The following VPS26C variants were observed in gnomAD, a reference collection of about 807,000 sequenced individuals.
VPS26C encodes the protein VPS26 endosomal protein sorting factor C.
Under a neutral mutation model 30.6 loss-of-function variants are expected in VPS26C, and 19 were observed. That is an observed-to-expected ratio of 0.62 (90% CI 0.43 to 0.91). The LOEUF is 0.91. Ranked by LOEUF, VPS26C falls within the 40% of genes least tolerant of loss-of-function variation. The probability of loss-of-function intolerance (pLI) is 0.00; values close to 1 mark genes in which losing one functional copy is unlikely to be tolerated. For synonymous variants in VPS26C, 132 were observed against 151.5 expected, an observed-to-expected ratio of 0.87 and a Z score of 0.95; for missense variants, 318 against 385.1, an observed-to-expected ratio of 0.83 and a Z score of 1.46.
intron 4 of VPS26C, among the ~76,000 whole-genome samples, chr21:37,232,829 G>A (rs1203908540): frequency 6.6e-6 from 1 of 152,216 alleles, no homozygotes; most frequent in Admixed American, 6.5e-5. Context: ...GAGGCAAGCG[G>A]GGCAGAGAGC....
At chr21:37,267,835 C>T (rs2086387141), upstream of VPS26C, 1 of 155,994 alleles carries the variant, frequency 6.4e-6, no homozygotes. Context: ...CAACTCTAGC[C>T]CTCCACCGCT....
At chr21:37,240,253 G>A (rs575369720) in intron 2 of VPS26C, among the ~76,000 whole-genome samples, 11 of 152,110 alleles carry the variant, frequency 7.2e-5, no homozygotes, top group Admixed American at 2.0e-4. Flanking sequence ...CTCCTGAGTA[G>A]CTGGGACTAC....
chr21:37,253,412 C>T (rs1172109181), intron 1 of VPS26C, among the ~76,000 whole-genome samples: 1 of 152,154 alleles, frequency 6.6e-6, no homozygotes, highest in Non-Finnish European at 1.5e-5. Context: ...GTATAGTATA[C>T]ACACAGGCGT....
Position 37,267,224 on chromosome 21 carries a change from C to CCCCCCCCCAAA in VPS26C, c.57+13_57+14insTTTGGGGGGGG. On this transcript the variant is annotated intron_variant, in intron 1 of 7. Transcript: ENST00000309117. ...CCAACCCCACCTCCATCCCCACCCC[C>CCCCCCCCCAAA]AGCCCCCACTTACCCCGGCGTGATA... The CCCCCCCCCAAA allele has an allele frequency of 1.9e-6, 3 of 1,541,530 alleles. No homozygotes were observed. Among genetic ancestry groups the CCCCCCCCCAAA allele is most frequent in the Non-Finnish European group, 2.7e-6 (3 of 1,118,008 alleles).
chr21:37,267,183 G>A, intron 1 of VPS26C, 55 bp downstream of exon 1: 2 of 1,420,874 alleles, frequency 1.4e-6, no homozygotes, highest in Non-Finnish European at 2.0e-6. Flanking sequence ...GGAGACAGCG[G>A]AACCTGCAGA....
At position 37,227,507 on chromosome 21, in the gene VPS26C, A is replaced by G. The variant is rs761995405; in HGVS notation, c.811+147T>C. On this transcript the variant is annotated intron_variant, in intron 7 of 7. Transcript: ENST00000309117. ...TTTTGTTGAGCAGCCGAAGGGCAGC[A>G]GGCTCTGAGCTGTATGGCCTGTGGC... 2.5e-4 allele frequency: 219 copies of G among 886,290 alleles called. 3 individuals carry two copies. The highest frequency in any genetic ancestry group is 1.8e-3 in the Middle Eastern group (5 of 2,826). 54.9% of individuals were successfully genotyped at this position (886,290 alleles called of 1,614,324 possible). A position where few individuals can be genotyped will look rare whatever the true frequency, so the allele number is the denominator to read the frequency against.
intron 1 of VPS26C, among the ~76,000 whole-genome samples, chr21:37,258,470 A>T (rs1010798268): frequency 6.6e-6 from 1 of 152,014 alleles, no homozygotes; most frequent in African/African-American, 2.4e-5. Context: ...CGCGGTGGGG[A>T]CCCCAGGCTT....
intron 1 of VPS26C, among the ~76,000 whole-genome samples, chr21:37,265,078 G>A (rs2086344757): frequency 6.6e-6 from 1 of 152,210 alleles, no homozygotes; most frequent in South Asian, 2.1e-4. Context: ...GAAATGTCAA[G>A]AATAGGCAAC....
At chr21:37,239,090 C>CTT (rs1187476383) in intron 2 of VPS26C, among the ~76,000 whole-genome samples, 2 of 152,206 alleles carry the variant, frequency 1.3e-5, no homozygotes, top group Non-Finnish European at 2.9e-5. Flanking sequence ...GAGAGCAGGC[C>CTT]TTTCCTCCAG....
chr21:37,259,069 T>A (rs1467998072), intron 1 of VPS26C, among the ~76,000 whole-genome samples: 11 of 152,194 alleles, frequency 7.2e-5, no homozygotes, highest in Non-Finnish European at 1.6e-4. Flanking sequence ...GGTTCATACC[T>A]CTCAAAATTA....
chr21:37,240,096 G>A (rs915737157), intron 2 of VPS26C, among the ~76,000 whole-genome samples: 1 of 151,920 alleles, frequency 6.6e-6, no homozygotes, highest in Non-Finnish European at 1.5e-5. Flanking sequence ...AACAATAAAG[G>A]CACACAGCAA....
At position 37,233,530 on chromosome 21, in the gene VPS26C, CAT is replaced by C. The variant is rs1569232924; in HGVS notation, c.352-90_352-89del. 6 of 952,178 alleles carry C rather than the reference CAT, an allele frequency of 6.3e-6. No individual in the cohort carries two copies. Among genetic ancestry groups the C allele is most frequent in the Non-Finnish European group, 8.5e-6 (5 of 587,894 alleles). 59.0% of individuals were successfully genotyped at this position (952,178 alleles called of 1,614,324 possible). A position where few individuals can be genotyped will look rare whatever the true frequency, so the allele number is the denominator to read the frequency against. On this transcript the variant is annotated intron_variant, in intron 3 of 7. Coordinates refer to ENST00000309117, the MANE Select transcript of VPS26C (RefSeq NM_006052.2). The surrounding 1 kb of genome is among the most constrained non-coding windows in gnomAD (Gnocchi z 5.2). ...ATATTCAAAGAGACAAGTCAGTCAA[CAT>C]ATTTTAGGGAAATGTTGTACAATCA...
At chr21:37,234,679 T>C (rs767515914) in intron 3 of VPS26C, among the ~76,000 whole-genome samples, 33 of 152,314 alleles carry the variant, frequency 2.2e-4, no homozygotes, top group Admixed American at 9.1e-4. Context: ...ACTCTATGCA[T>C]AACTGAATCT....
At chr21:37,267,068 C>A in intron 1 of VPS26C, 170 bp downstream of exon 1, 1 of 683,664 alleles carries the variant, frequency 1.5e-6, no homozygotes. Flanking sequence ...GCGCGGGAAG[C>A]ACCTGGCGGG....
chr21:37,227,513 T>G, intron 7 of VPS26C, 141 bp downstream of exon 7: 2 of 959,352 alleles, frequency 2.1e-6, no homozygotes, highest in Non-Finnish European at 3.1e-6. Context: ...CAGCAGGCTC[T>G]GAGCTGTATG....
At chr21:37,244,323 C>T (rs188659794) in intron 1 of VPS26C, among the ~76,000 whole-genome samples, 76 of 152,350 alleles carry the variant, frequency 5.0e-4, no homozygotes, top group African/African-American at 1.7e-3. Flanking sequence ...CTGCAACCTC[C>T]GCCTCCTGGG....
chr21:37,239,000 C>T (rs370618560), intron 2 of VPS26C, among the ~76,000 whole-genome samples: 20 of 152,320 alleles, frequency 1.3e-4, no homozygotes, highest in African/African-American at 4.6e-4. Context: ...CACCGAGCCC[C>T]GTGCTCTTCT....
At chr21:37,258,023 C>A (rs1428616304) in intron 1 of VPS26C, among the ~76,000 whole-genome samples, 1 of 152,196 alleles carries the variant, frequency 6.6e-6, no homozygotes, top group Non-Finnish European at 1.5e-5. Flanking sequence ...GAGATGAGAC[C>A]CTCGTGAAGA....
rs1445794140 is a variant in VPS26C at position 37,225,548 on chromosome 21, AT to A, written c.889del (p.Ile297TyrfsTer37). The A allele has an allele frequency of 6.2e-7, 1 of 1,613,916 alleles. No homozygotes were observed. ...TCTATGCTTCCCTCCTCCGGGCTAT[AT>A]CCTGCAGAGCTTCAGCGGGAAGTTC... ...TENFPLKLCRI is the reference protein window; with the variant it reads ...TENFPLKLCRX On this transcript the variant is annotated frameshift_variant, in exon 8 of 8. Transcript: ENST00000309117. LOFTEE classifies it high-confidence loss of function.
Sources: gnomAD v4.1 joint callset for allele counts (sites outside exome capture counted in the v4.1 genomes callset) on GRCh38, gnomAD v4.1.1 for gene constraint, Gnocchi (gnomAD v3.1) non-coding constraint, MANE v1.5 for transcripts, NCBI Gene and HGNC (gene_info 2026-07-23, HGNC 2026-07-21) for gene names.